The following UCK2 variants were observed in gnomAD, a reference collection of about 807,000 sequenced individuals.
The protein encoded by UCK2 is uridine-cytidine kinase 2.
In UCK2, 6 loss-of-function variants were observed where a neutral mutation model predicts 30.8. The observed-to-expected ratio is 0.19, with a 90% CI of 0.11 to 0.38. The LOEUF (loss-of-function observed/expected upper bound fraction) is 0.38, where lower values mean the gene tolerates loss of function less well. Among genes scored for constraint, UCK2 ranks in the 10% least tolerant of loss-of-function variants. The probability of loss-of-function intolerance (pLI) is 1.00; values close to 1 mark genes in which losing one functional copy is unlikely to be tolerated. For missense variants in UCK2, 210 were observed against 339.8 expected (o/e 0.62, Z 3.00); for synonymous variants, 125 against 133.6 (o/e 0.94, Z 0.45).
chr1:165,891,671 G>C (rs1188219660), intron 3 of UCK2: 1 of 221,978 alleles, frequency 4.5e-6, no homozygotes, highest in African/African-American at 2.3e-5. Context: ...TAGAGGAAGG[G>C]CAGGAAGAAG....
At chr1:165,907,531 G>A (rs1228003306) in intron 6 of UCK2, among the ~76,000 whole-genome samples, 153 bp from the exon 7 acceptor site, 1 of 152,184 alleles carries the variant, frequency 6.6e-6, no homozygotes, top group East Asian at 1.9e-4. Flanking sequence ...AGAGCCACTG[G>A]GAAGTTGGAT....
intron 6 of UCK2, among the ~76,000 whole-genome samples, chr1:165,907,155 G>T (rs1009629637): frequency 1.1e-4 from 17 of 152,158 alleles, no homozygotes; most frequent in African/African-American, 3.4e-4. Flanking sequence ...CATTTGATGT[G>T]TATTCCATTT....
chr1:165,840,489 C>G (rs1033553829), intron 1 of UCK2, among the ~76,000 whole-genome samples: 25 of 152,322 alleles, frequency 1.6e-4, no homozygotes, highest in African/African-American at 5.8e-4. Flanking sequence ...GAACTTGTCC[C>G]TCCAGTGTAT....
intron 6 of UCK2, among the ~76,000 whole-genome samples, chr1:165,907,000 G>A (rs1013691586): frequency 1.3e-5 from 2 of 152,076 alleles, no homozygotes; most frequent in African/African-American, 4.8e-5. Flanking sequence ...TTTTTGAGGC[G>A]TACAGGCCCA....
In UCK2 at chr1:165,892,080, C is replaced by G. The variant is rs1033564118; in HGVS notation, c.356+758C>G. 4 of 140,908 alleles carry G rather than the reference C, an allele frequency of 2.8e-5. No individual in the cohort carries two copies. In the East Asian group the frequency reaches 6.7e-4, roughly 23 times the overall value. 8.7% of individuals were successfully genotyped at this position (140,908 alleles called of 1,614,324 possible). A position where few individuals can be genotyped will look rare whatever the true frequency, so the allele number is the denominator to read the frequency against. On this transcript the variant is annotated intron_variant, in intron 3 of 6. Transcript: ENST00000367879. Reference sequence around the variant, plus strand: ...GAGAGAGAGAGAGAGAATGAGCATGCATGTGTGTGCGTTGAGGTGTAGAGG... The same window carrying G: ...GAGAGAGAGAGAGAGAATGAGCATGGATGTGTGTGCGTTGAGGTGTAGAGG...
intron 1 of UCK2, among the ~76,000 whole-genome samples, chr1:165,886,665 A>G (rs1382656413): frequency 6.6e-6 from 1 of 152,218 alleles, no homozygotes; most frequent in Admixed American, 6.5e-5. Context: ...GGGCAGGATT[A>G]GGCAAAAGGA....
At chr1:165,872,374 C>T (rs891697843) in intron 1 of UCK2, among the ~76,000 whole-genome samples, 6 of 152,104 alleles carry the variant, frequency 3.9e-5, no homozygotes, top group African/African-American at 9.7e-5. Flanking sequence ...CATGCCTGGC[C>T]GTCTTTTAGG....
chr1:165,881,200 A>G (rs1011112250), intron 1 of UCK2, among the ~76,000 whole-genome samples: 4 of 151,254 alleles, frequency 2.6e-5, no homozygotes, highest in Admixed American at 1.3e-4. Flanking sequence ...AAAAAAAAAA[A>G]AAAAAAGAGA....
intron 1 of UCK2, among the ~76,000 whole-genome samples, chr1:165,888,525 G>C (rs1655679773): frequency 6.6e-6 from 1 of 151,902 alleles, no homozygotes; most frequent in Non-Finnish European, 1.5e-5. Context: ...CTGACTTCAG[G>C]TGATCCACCC....
chr1:165,903,780 A>G (rs189236119), intron 5 of UCK2, among the ~76,000 whole-genome samples: 1 of 152,310 alleles, frequency 6.6e-6, no homozygotes, highest in African/African-American at 2.4e-5. Flanking sequence ...CCTTACTGGA[A>G]TAAGCTTCCT....
chr1:165,828,075 G>C lies in UCK2; in HGVS notation c.99+143G>C, dbSNP rs1289558753. ...GCTCCCGGCCGCGCTCCAGCGCCGA[G>C]TGCGCCCCGCGCGGCCTGGGGGCGC... On this transcript the variant is annotated intron_variant, in intron 1 of 6. Transcript: ENST00000367879. 1.7e-5 allele frequency: 7 copies of C among 419,982 alleles called. No individual in the cohort carries two copies. In the Admixed American group the frequency reaches 3.6e-4, roughly 22 times the overall value. The allele number at this position is 419,982 out of a possible 1,614,324, so 26.0% of individuals were successfully genotyped here. A position where few individuals can be genotyped will look rare whatever the true frequency, so the allele number is the denominator to read the frequency against.
chr1:165,890,058 CTCA>C (rs1258910370), intron 1 of UCK2, 143 bp from the exon 2 acceptor site: 3 of 804,854 alleles, frequency 3.7e-6, no homozygotes, highest in Non-Finnish European at 4.0e-6. Flanking sequence ...AGCCCTTTAA[CTCA>C]TCATGCACGA....
chr1:165,893,380 G>A (rs1171513486), intron 3 of UCK2, among the ~76,000 whole-genome samples: 1 of 152,148 alleles, frequency 6.6e-6, no homozygotes, highest in East Asian at 1.9e-4. Flanking sequence ...TCATGTCTTA[G>A]AAACTTTCAC....
chr1:165,878,646 C>T (rs1234803195), intron 1 of UCK2, among the ~76,000 whole-genome samples: 1 of 152,164 alleles, frequency 6.6e-6, no homozygotes, highest in African/African-American at 2.4e-5. Context: ...GCCCGGCTGC[C>T]AGCTTATTTC....
intron 1 of UCK2, among the ~76,000 whole-genome samples, chr1:165,871,836 A>C (rs1655203119): frequency 6.6e-6 from 1 of 152,264 alleles, no homozygotes; most frequent in Non-Finnish European, 1.5e-5. Context: ...TTTGCAAAAC[A>C]CTACTTAAAA....
At position 165,907,805 on chromosome 1, in the gene UCK2, C is replaced by T. The variant is rs1160479070; in HGVS notation, c.768C>T (p.Ser256=). The change falls in exon 7 of 7, where the codon TCC becomes TCT. Residue 256 remains serine, a synonymous_variant. Transcript: ENST00000367879. ...CACGCAAGAGGCAGGCATCGGAGTC[C>T]AGCAGCAGGCCGCATTGACCCGTCT... ...TPSRKRQASE[S]SSRPH The T allele has an allele frequency of 6.2e-7, 1 of 1,614,170 alleles. No individual in the cohort carries two copies. The highest frequency in any genetic ancestry group is 1.3e-5 in the African/African-American group (1 of 75,036).
chr1:165,842,307 G>T (rs1415967447), intron 1 of UCK2, among the ~76,000 whole-genome samples: 3 of 152,114 alleles, frequency 2.0e-5, no homozygotes, highest in Non-Finnish European at 2.9e-5. Flanking sequence ...CGCAGATTGG[G>T]TATTTCCTGC....
rs892029448 is a variant in UCK2 at position 165,907,912 on chromosome 1, A to G, written c.*89A>G. 1 of 1,476,096 alleles carries G rather than the reference A, an allele frequency of 6.8e-7. No individual in the cohort carries two copies. Among genetic ancestry groups the G allele is most frequent in the African/African-American group, 1.4e-5 (1 of 70,858 alleles). 91.4% of individuals were successfully genotyped at this position (1,476,096 alleles called of 1,614,324 possible). A position where few individuals can be genotyped will look rare whatever the true frequency, so the allele number is the denominator to read the frequency against. On this transcript the variant is annotated 3_prime_UTR_variant, in exon 7 of 7. Coordinates refer to ENST00000367879, the MANE Select transcript of UCK2 (RefSeq NM_012474.5). Reference sequence around the variant, plus strand: ...TCATCTGTACATACTGTTTCCTATGACATTACTGTATTTAAGAAAACACCA... The same window carrying G: ...TCATCTGTACATACTGTTTCCTATGGCATTACTGTATTTAAGAAAACACCA...
intron 1 of UCK2, among the ~76,000 whole-genome samples, chr1:165,835,571 T>C (rs758626046): frequency 8.5e-5 from 13 of 152,114 alleles, no homozygotes; most frequent in Non-Finnish European, 1.6e-4. Flanking sequence ...ATTTCTGATA[T>C]ATTGTAAATA....
Sources: allele counts gnomAD v4.1 joint callset (sites outside exome capture counted in the v4.1 genomes callset), GRCh38; gene constraint gnomAD v4.1.1; transcripts MANE v1.5; gene names NCBI Gene and HGNC (gene_info 2026-07-23, HGNC 2026-07-21).